The following CCBE1 variants were observed in gnomAD, a reference collection of about 807,000 sequenced individuals.
The protein encoded by CCBE1 is collagen and calcium binding EGF domains 1.
In CCBE1, 37 loss-of-function variants were observed where a neutral mutation model predicts 50.0. That is an observed-to-expected ratio of 0.74 (90% CI 0.57 to 0.97). CCBE1 has a LOEUF of 0.97. Ranked by LOEUF, CCBE1 falls within the 50% of genes least tolerant of loss-of-function variation. The probability of loss-of-function intolerance (pLI) is 0.00; values close to 1 mark genes in which losing one functional copy is unlikely to be tolerated. For missense variants in CCBE1, 538 were observed against 523.8 expected, an observed-to-expected ratio of 1.03 and a Z score of -0.26; for synonymous variants, 234 against 203.7, an observed-to-expected ratio of 1.15 and a Z score of -1.27.
intron 2 of CCBE1, among the ~76,000 whole-genome samples, chr18:59,664,077 G>A (rs1277141882): frequency 6.6e-6 from 1 of 152,154 alleles, no homozygotes; most frequent in South Asian, 2.1e-4. Flanking sequence ...TCTGCGATTA[G>A]GATGCCAGCA....
At chr18:59,508,097 C>A (rs879757859) in intron 2 of CCBE1, among the ~76,000 whole-genome samples, 1 of 151,654 alleles carries the variant, frequency 6.6e-6, no homozygotes, top group African/African-American at 2.4e-5. Context: ...TTCACCGTGT[C>A]GGCCAGGATG....
chr18:59,661,643 T>C (rs1326260012), intron 2 of CCBE1, among the ~76,000 whole-genome samples: 1 of 152,326 alleles, frequency 6.6e-6, no homozygotes, highest in East Asian at 1.9e-4. Flanking sequence ...CCTTGTTTTA[T>C]GTATATTTCT....
intron 2 of CCBE1, among the ~76,000 whole-genome samples, chr18:59,675,206 C>G (rs1166336143): frequency 6.6e-6 from 1 of 152,192 alleles, no homozygotes. Flanking sequence ...TGCCCAATGA[C>G]AGAAGCCTCA....
chr18:59,546,869 A>G (rs1026530185), intron 2 of CCBE1, among the ~76,000 whole-genome samples: 3 of 152,014 alleles, frequency 2.0e-5, no homozygotes, highest in Non-Finnish European at 4.4e-5. Context: ...ATCTCATCCA[A>G]TCTGTGGAGC....
chr18:59,627,740 C>T (rs2053804580), intron 2 of CCBE1, among the ~76,000 whole-genome samples: 1 of 152,198 alleles, frequency 6.6e-6, no homozygotes, highest in African/African-American at 2.4e-5. Flanking sequence ...GATATGCTCC[C>T]CTAGTGCCTT....
intron 2 of CCBE1, among the ~76,000 whole-genome samples, chr18:59,610,432 T>C (rs1022189926): frequency 1.0e-4 from 13 of 124,960 alleles, no homozygotes; most frequent in African/African-American, 4.0e-4. Flanking sequence ...AATACCCCAA[T>C]AAAGTAACAA....
rs1911130790 is a variant in CCBE1 at position 59,455,160 on chromosome 18, C to G, written c.554-209G>C. ...GGAGGACAGAGGGAGAGGGGCCCTGCTAGAAGCTGGGCTCAGCTGTTCCTA... is the reference window on the plus strand; with the variant it reads ...GGAGGACAGAGGGAGAGGGGCCCTGGTAGAAGCTGGGCTCAGCTGTTCCTA... On this transcript the variant is annotated intron_variant, in intron 5 of 10. Coordinates refer to ENST00000439986, the MANE Select transcript of CCBE1 (RefSeq NM_133459.4). 3 of 661,870 alleles carry G rather than the reference C, an allele frequency of 4.5e-6. No homozygotes were observed. The South Asian group carries it at 4.7e-5, about 10-fold the overall frequency. 41.0% of individuals were successfully genotyped at this position (661,870 alleles called of 1,614,324 possible).
chr18:59,678,320 G>A (rs928088635), intron 2 of CCBE1, among the ~76,000 whole-genome samples: 4 of 152,256 alleles, frequency 2.6e-5, no homozygotes, highest in Non-Finnish European at 5.9e-5. Context: ...AGTCTTCCCG[G>A]CTGTGGGATT....
chr18:59,471,360 T>C (rs931802804), intron 3 of CCBE1, among the ~76,000 whole-genome samples: 2 of 152,222 alleles, frequency 1.3e-5, no homozygotes, highest in Non-Finnish European at 2.9e-5. Flanking sequence ...ACAGAAGAGA[T>C]GCATTTAACT....
At chr18:59,654,042 A>G (rs1363056997) in intron 2 of CCBE1, among the ~76,000 whole-genome samples, 1 of 152,238 alleles carries the variant, frequency 6.6e-6, no homozygotes, top group Non-Finnish European at 1.5e-5. Flanking sequence ...CAATGTTTTA[A>G]AAGTAGGTTG....
intron 5 of CCBE1, among the ~76,000 whole-genome samples, chr18:59,466,114 T>C (rs1249920684): frequency 6.6e-6 from 1 of 152,112 alleles, no homozygotes; most frequent in Non-Finnish European, 1.5e-5. Context: ...ATATGTTATA[T>C]ATATTACATA....
At chr18:59,467,964 G>C (rs1911832609) in intron 4 of CCBE1, among the ~76,000 whole-genome samples, 1 of 152,214 alleles carries the variant, frequency 6.6e-6, no homozygotes. Flanking sequence ...TTCCCCAGGT[G>C]TCCCTGCCCT....
At chr18:59,665,805 C>A (rs182534484) in intron 2 of CCBE1, among the ~76,000 whole-genome samples, 1 of 152,280 alleles carries the variant, frequency 6.6e-6, no homozygotes, top group African/African-American at 2.4e-5. Flanking sequence ...GGGTCTAGTG[C>A]GTCTGTGTTT....
At chr18:59,439,292 GAA>G (rs916510258) in intron 9 of CCBE1, among the ~76,000 whole-genome samples, 3 of 148,336 alleles carry the variant, frequency 2.0e-5, no homozygotes, top group Non-Finnish European at 4.5e-5. Context: ...GTCTCAAAAA[GAA>G]AAAAAAAGAA....
intron 2 of CCBE1, among the ~76,000 whole-genome samples, chr18:59,651,209 G>GA (rs1462017775): frequency 6.6e-6 from 1 of 152,172 alleles, no homozygotes; most frequent in Non-Finnish European, 1.5e-5. Context: ...GTGTTCCAGG[G>GA]AAAATACGTT....
At chr18:59,469,710 C>T (rs1911937355) in intron 3 of CCBE1, 103 bp from the exon 4 acceptor site, 28 of 1,482,174 alleles carry the variant, frequency 1.9e-5, no homozygotes, top group African/African-American at 5.5e-5. Flanking sequence ...CTCAAGGGCA[C>T]GTGTGAAGTG....
At chr18:59,607,945 G>A (rs747410818) in intron 2 of CCBE1, among the ~76,000 whole-genome samples, 20 of 152,048 alleles carry the variant, frequency 1.3e-4, no homozygotes, top group Admixed American at 9.8e-4. Flanking sequence ...GTGTTGTGGC[G>A]TGTGCCTGTA....
rs796066639 is a variant in CCBE1, at chr18:59,612,815, GT to G, written c.212+83813del. On this transcript the variant is annotated intron_variant, in intron 2 of 10. Coordinates refer to ENST00000439986, the MANE Select transcript of CCBE1 (RefSeq NM_133459.4). ...GAAAAGAACTCAGCCAATCTCAAGGGTTTTTTTTTTGTTTTTTTTTGTTTTT... is the reference window on the plus strand; with the variant it reads ...GAAAAGAACTCAGCCAATCTCAAGGGTTTTTTTTTGTTTTTTTTTGTTTTT... Among the ~76,000 whole-genome samples the G allele has an allele frequency of 7.8e-5, 9 of 114,960 alleles. No individual in the cohort carries two copies. In the South Asian group the frequency reaches 9.8e-4, roughly 13 times the overall value. The allele number at this position is 114,960 out of a possible 152,430, so 75.4% of individuals were successfully genotyped here. A position where few individuals can be genotyped will look rare whatever the true frequency, so the allele number is the denominator to read the frequency against.
chr18:59,467,707 G>A (rs1911818858), intron 4 of CCBE1, among the ~76,000 whole-genome samples: 1 of 152,214 alleles, frequency 6.6e-6, no homozygotes, highest in Admixed American at 6.5e-5. Flanking sequence ...GTGGGTAGCA[G>A]TGGGTGGGAG....
Sources: gnomAD v4.1 joint callset for allele counts (sites outside exome capture counted in the v4.1 genomes callset) on GRCh38, gnomAD v4.1.1 for gene constraint, MANE v1.5 for transcripts, NCBI Gene and HGNC (gene_info 2026-07-23, HGNC 2026-07-21) for gene names.